Variants in GPC5 observed in about 807,000 individuals in gnomAD.
The protein encoded by GPC5 is glypican 5.
In GPC5, 47 loss-of-function variants were observed where a neutral mutation model predicts 53.9. The ratio of observed to expected loss-of-function variants is 0.87; its 90% CI spans 0.69 to 1.11. The LOEUF is 1.11. Among genes scored for constraint, GPC5 ranks in the 50% most tolerant of loss-of-function variants. GPC5 has a pLI of 0.00. For missense variants in GPC5, 748 were observed against 713.1 expected, an observed-to-expected ratio of 1.05 and a Z score of -0.56; for synonymous variants, 286 against 263.3, an observed-to-expected ratio of 1.09 and a Z score of -0.84.
chr13:91,589,085 A>G (rs2032702776), intron 2 of GPC5, among the ~76,000 whole-genome samples: 1 of 152,122 alleles, frequency 6.6e-6, no homozygotes, highest in Middle Eastern at 3.2e-3. Flanking sequence ...AAGATCACCA[A>G]TAAAGCTTTA....
At chr13:92,264,016 C>T (rs1323366880) in intron 7 of GPC5, among the ~76,000 whole-genome samples, 1 of 152,086 alleles carries the variant, frequency 6.6e-6, no homozygotes, top group African/African-American at 2.4e-5. Context: ...GATTTAATTA[C>T]TTCACATTGT....
intron 2 of GPC5, among the ~76,000 whole-genome samples, chr13:91,556,823 G>C (rs146667043): frequency 3.3e-5 from 5 of 151,950 alleles, no homozygotes; most frequent in Admixed American, 6.6e-5. Context: ...TCAGGGGAAA[G>C]GGTGTGAGGG....
intron 6 of GPC5, among the ~76,000 whole-genome samples, chr13:92,102,201 G>C (rs754409483): frequency 1.4e-4 from 21 of 152,092 alleles, no homozygotes; most frequent in Admixed American, 1.1e-3. Flanking sequence ...AATATAAGAG[G>C]GGTGGGGAAT....
chr13:91,695,856 A>G (rs1424473759), intron 3 of GPC5, among the ~76,000 whole-genome samples: 1 of 152,168 alleles, frequency 6.6e-6, no homozygotes, highest in East Asian at 1.9e-4. Context: ...TATTTTGGAA[A>G]CCTGAAGGGC....
intron 7 of GPC5, among the ~76,000 whole-genome samples, chr13:92,443,157 A>G (rs1353077457): frequency 6.6e-6 from 1 of 152,162 alleles, no homozygotes; most frequent in African/African-American, 2.4e-5. Flanking sequence ...TGTGAGAGCA[A>G]GCAAGAGAGA....
intron 6 of GPC5, among the ~76,000 whole-genome samples, chr13:92,112,624 A>G (rs1380448791): frequency 1.3e-5 from 2 of 152,140 alleles, no homozygotes; most frequent in African/African-American, 4.8e-5. Context: ...TTAAAAAAGC[A>G]GAAGTGGATA....
chr13:92,407,329 A>C (rs971944818), intron 7 of GPC5, among the ~76,000 whole-genome samples: 1 of 152,208 alleles, frequency 6.6e-6, no homozygotes, highest in Non-Finnish European at 1.5e-5. Flanking sequence ...AGGAAAAGCC[A>C]ACAAAGTTAT....
chr13:91,680,955 T>C, intron 2 of GPC5, among the ~76,000 whole-genome samples: 1 of 152,212 alleles, frequency 6.6e-6, no homozygotes, highest in Non-Finnish European at 1.5e-5. Flanking sequence ...ATGTTTATTA[T>C]GGTTCTCTTA....
At chr13:92,071,750 A>G (rs1475384113) in intron 6 of GPC5, among the ~76,000 whole-genome samples, 1 of 151,092 alleles carries the variant, frequency 6.6e-6, no homozygotes, top group Non-Finnish European at 1.5e-5. Context: ...TACATCATTA[A>G]ATTTATATGT....
At chr13:91,902,250 G>C (rs2138987787) in intron 5 of GPC5, among the ~76,000 whole-genome samples, 1 of 152,060 alleles carries the variant, frequency 6.6e-6, no homozygotes. Flanking sequence ...GTTTCAAATA[G>C]GACAAGCTGG....
chr13:92,588,047 G>A lies in GPC5; in HGVS notation c.1562-278235G>A, dbSNP rs1003510628. Reference sequence around the variant, plus strand: ...GGGTTTTAAGCCCCACATGCATTAGGTATTTGTCCTAATGCTCTCCCTCCC... The same window carrying A: ...GGGTTTTAAGCCCCACATGCATTAGATATTTGTCCTAATGCTCTCCCTCCC... On this transcript the variant is annotated intron_variant, in intron 7 of 7. Coordinates refer to ENST00000377067, the MANE Select transcript of GPC5 (RefSeq NM_004466.6). Among the ~76,000 whole-genome samples the A allele has an allele frequency of 3.9e-5, 6 of 152,088 alleles. No individual in the cohort carries two copies. The East Asian group carries it at 9.7e-4, about 25-fold the overall frequency.
chr13:92,753,915 T>C (rs1874719330), intron 7 of GPC5, among the ~76,000 whole-genome samples: 1 of 152,152 alleles, frequency 6.6e-6, no homozygotes, highest in Non-Finnish European at 1.5e-5. Flanking sequence ...TGCAGGATAT[T>C]ATCCAGGAGA....
chr13:91,926,637 C>G (rs1279303879), intron 6 of GPC5, among the ~76,000 whole-genome samples: 1 of 152,160 alleles, frequency 6.6e-6, no homozygotes, highest in Non-Finnish European at 1.5e-5. Context: ...CTTAAATCCT[C>G]TAAGCTACCC....
At chr13:91,518,933 A>C (rs1484952627) in intron 2 of GPC5, among the ~76,000 whole-genome samples, 1 of 152,140 alleles carries the variant, frequency 6.6e-6, no homozygotes, top group Non-Finnish European at 1.5e-5. Context: ...TTCTCACATC[A>C]TCTGACTTTA....
At chr13:91,413,487 T>C (rs1168528441) in intron 1 of GPC5, among the ~76,000 whole-genome samples, 2 of 152,256 alleles carry the variant, frequency 1.3e-5, no homozygotes, top group Non-Finnish European at 2.9e-5. Context: ...AGTGAAAATA[T>C]ATACTTTACA....
intron 7 of GPC5, among the ~76,000 whole-genome samples, chr13:92,392,441 T>TA (rs1489619461): frequency 2.6e-5 from 4 of 151,856 alleles, no homozygotes; most frequent in Admixed American, 2.0e-4. Context: ...CCCAAAACTA[T>TA]AAAAAACCCT....
chr13:92,120,352 A>G (rs2041638607), intron 6 of GPC5, among the ~76,000 whole-genome samples: 1 of 152,076 alleles, frequency 6.6e-6, no homozygotes, highest in Non-Finnish European at 1.5e-5. Flanking sequence ...CTCGATCTTC[A>G]GCTCAAGTAA....
intron 7 of GPC5, among the ~76,000 whole-genome samples, chr13:92,787,607 G>A (rs866741153): frequency 8.3e-5 from 12 of 145,408 alleles, no homozygotes; most frequent in Middle Eastern, 3.7e-3. Flanking sequence ...CAAGGCAGGA[G>A]GGTCACTTTG....
chr13:92,244,942 G>A (rs1391586320), intron 7 of GPC5, among the ~76,000 whole-genome samples: 2 of 151,564 alleles, frequency 1.3e-5, no homozygotes, highest in East Asian at 3.9e-4. Context: ...GGAGGCTGAG[G>A]CAGGAGAACT....
Sources: allele counts gnomAD v4.1 joint callset (sites outside exome capture counted in the v4.1 genomes callset), GRCh38; gene constraint gnomAD v4.1.1; transcripts MANE v1.5; gene names NCBI Gene and HGNC (gene_info 2026-07-23, HGNC 2026-07-21).